The following FKBP15 variants were observed in gnomAD, a reference collection of about 807,000 sequenced individuals.
FKBP15 encodes FKBP prolyl isomerase family member 15.
A neutral mutation model predicts 158.1 loss-of-function variants in FKBP15; 106 were observed. The ratio of observed to expected loss-of-function variants is 0.67; its 90% CI spans 0.57 to 0.79. FKBP15 has a LOEUF of 0.79. Ranked by LOEUF, FKBP15 falls within the 30% of genes least tolerant of loss-of-function variation. The pLI, the probability that FKBP15 is intolerant of heterozygous loss-of-function variation, is 0.00. For synonymous variants in FKBP15, 547 were observed against 548.6 expected, an observed-to-expected ratio of 1.00 and a Z score of 0.04; for missense variants, 1,287 against 1,479.1, an observed-to-expected ratio of 0.87 and a Z score of 2.13.
At chr9:113,193,996 A>G in intron 10 of FKBP15, 31 bp downstream of exon 10, 1 of 1,574,812 alleles carries the variant, frequency 6.3e-7, no homozygotes. Flanking sequence ...TATGAGCCAT[A>G]AAAGAGCTTG....
In FKBP15 at chr9:113,169,909, G is replaced by A; in HGVS notation, c.2800C>T (p.Gln934Ter). 6.5e-7 allele frequency: 1 copy of A among 1,547,738 alleles called. No homozygotes were observed. The highest frequency in any genetic ancestry group is 1.2e-5 in the South Asian group (1 of 83,980). Residue 934 changes from glutamine to a stop codon, truncating the protein, a stop_gained, in exon 26 of 28, where the codon CAA becomes TAA. Transcript: ENST00000238256. LOFTEE classifies it high-confidence loss of function. Reference protein sequence around the residue: ...VTLQLLNQQEQEKEESSSEEE... With the variant: ...VTLQLLNQQE Reference sequence around the variant, plus strand: ...TCACTGCTGCTCTCTTCCTTCTCTTGCTCCTGTTGGTTTAACAGCTGAAGA... The same window carrying A: ...TCACTGCTGCTCTCTTCCTTCTCTTACTCCTGTTGGTTTAACAGCTGAAGA...
chr9:113,213,794 A>C (rs1831064981), intron 1 of FKBP15, among the ~76,000 whole-genome samples: 1 of 152,186 alleles, frequency 6.6e-6, no homozygotes, highest in South Asian at 2.1e-4. Context: ...ATAACTGTAA[A>C]AAATAAATTC....
Position 113,187,828 on chromosome 9 carries a change from G to C in FKBP15, c.1348C>G (p.His450Asp), listed in dbSNP as rs779793622. 1 of 1,613,928 alleles carries C rather than the reference G, an allele frequency of 6.2e-7. No homozygotes were observed. Among genetic ancestry groups the C allele is most frequent in the South Asian group, 1.1e-5 (1 of 91,072 alleles). ...TGGGCATTTCCAGATACAGCTGAGT[G>C]GGAATCGAGAGATGACACTTGCATT... ...ALMQVSSLDS[H>D]SAVSGNAQSF... is the part of the protein sequence containing the mutation. The change falls in exon 14 of 28, where the codon CAC becomes GAC. Residue 450 changes from histidine to aspartate, a missense_variant. Coordinates refer to ENST00000238256, the MANE Select transcript of FKBP15 (RefSeq NM_015258.2).
intron 5 of FKBP15, 58 bp downstream of exon 5, chr9:113,202,903 G>C (rs970586693): frequency 7.4e-7 from 1 of 1,344,184 alleles, no homozygotes; most frequent in African/African-American, 1.4e-5. Context: ...AATCAGACCA[G>C]TCTCTCCTGT....
At chr9:113,166,263 A>G (rs1037880001) in intron 27 of FKBP15, 108 bp from the exon 28 acceptor site, 5 of 1,044,052 alleles carry the variant, frequency 4.8e-6, no homozygotes, top group East Asian at 2.6e-5. Flanking sequence ...TGGGTCAGAA[A>G]GGAGGTTGTA....
rs62636616 is a variant in FKBP15, at chr9:113,194,120, C to T, written c.914G>A (p.Arg305His). 4,550 of 1,613,130 alleles carry T rather than the reference C, an allele frequency of 2.8e-3. 99 individuals are homozygous for T. The African/African-American group carries it at 0.05, about 18-fold the overall frequency. ...SGSDGHSVSSRDSAAPSPIPG... is the reference protein window; with the variant it reads ...SGSDGHSVSSHDSAAPSPIPG... Reference sequence around the variant, plus strand: ...GATGGGAGACGGAGCTGCAGAATCGCGGGAACTAACACTGTGACCATCAGA... The same window carrying T: ...GATGGGAGACGGAGCTGCAGAATCGTGGGAACTAACACTGTGACCATCAGA... The change falls in exon 10 of 28, where the codon CGC becomes CAC. Residue 305 changes from arginine (R) to histidine (H), a missense_variant. Arg to His is a conservative substitution (Grantham distance 29, BLOSUM62 0). Transcript: ENST00000238256.
intron 4 of FKBP15, 63 bp from the exon 5 acceptor site, chr9:113,203,098 A>C (rs1830825744): frequency 9.0e-7 from 1 of 1,111,616 alleles, no homozygotes; most frequent in Non-Finnish European, 1.3e-6. Context: ...AAAAGGCAAT[A>C]TAAAATCAGC....
intron 27 of FKBP15, 56 bp from the exon 28 acceptor site, chr9:113,166,211 T>G: frequency 6.7e-7 from 1 of 1,492,930 alleles, no homozygotes; most frequent in Non-Finnish European, 9.2e-7. Flanking sequence ...CACTGGACTT[T>G]CCACCTGTGA....
At position 113,186,358 on chromosome 9, in the gene FKBP15, A is replaced by G; in HGVS notation, c.1389T>C (p.Tyr463=). The G allele has an allele frequency of 6.4e-7, 1 of 1,557,400 alleles. No individual in the cohort carries two copies. The highest frequency in any genetic ancestry group is 8.7e-7 in the Non-Finnish European group (1 of 1,149,186). Reference sequence around the variant, plus strand: ...GATAAGCGTAGGCTTGCATACCTGCATAGGGCTGAGAAACTGACGAGTTAC... The same window carrying G: ...GATAAGCGTAGGCTTGCATACCTGCGTAGGGCTGAGAAACTGACGAGTTAC... ...VSGNAQSFQP[Y]AGMQAYAYPQ... Residue 463 remains tyrosine (Y), a synonymous_variant, in exon 15 of 28, where the codon TAT becomes TAC. Transcript: ENST00000238256.
At chr9:113,201,299 T>C (rs1830787702) in intron 6 of FKBP15, among the ~76,000 whole-genome samples, 3 of 151,914 alleles carry the variant, frequency 2.0e-5, no homozygotes, top group Non-Finnish European at 4.4e-5. Context: ...ATAAAGCTTA[T>C]GGAAATATGT....
rs749995025 is a variant in FKBP15, at chr9:113,188,508, C to T, written c.1174-17G>A. The T allele has an allele frequency of 4.4e-6, 7 of 1,606,570 alleles. No homozygotes were observed. The highest frequency in any genetic ancestry group is 1.7e-5 in the Admixed American group (1 of 59,966). On this transcript the variant is annotated splice_polypyrimidine_tract_variant and intron_variant, in intron 12 of 27. Coordinates refer to ENST00000238256, the MANE Select transcript of FKBP15 (RefSeq NM_015258.2). ...GTTCACATCCTGAAACAGGAACAAG[C>T]GTTTGGGTTACTCTGTACGGGGTCC...
intron 3 of FKBP15, 134 bp from the exon 4 acceptor site, chr9:113,206,712 A>AT (rs35902681): frequency 0.22 from 62,677 of 281,180 alleles, 4,125 homozygotes; most frequent in Admixed American, 0.27. Context: ...GCGGTTTAAA[A>AT]TTTTTTTTTT....
At position 113,161,911 on chromosome 9, in the gene FKBP15, G is replaced by T; in HGVS notation, c.*4167C>A. 1 of 668,506 alleles carries T rather than the reference G, an allele frequency of 1.5e-6. No homozygotes were observed. Among genetic ancestry groups the T allele is most frequent in the South Asian group, 1.6e-5 (1 of 63,654 alleles). 41.4% of individuals were successfully genotyped at this position (668,506 alleles called of 1,614,324 possible). On this transcript the variant is annotated 3_prime_UTR_variant, in exon 28 of 28. Coordinates refer to ENST00000238256, the MANE Select transcript of FKBP15 (RefSeq NM_015258.2). ...GCACTCTGTGAACAGCCAGCCACTT[G>T]AGAGGCTCAGAAGGCTTTCTTTAGG...
intron 1 of FKBP15, among the ~76,000 whole-genome samples, chr9:113,217,389 G>T (rs7859189): frequency 0.34 from 50,537 of 149,048 alleles, 8,630 homozygotes; most frequent in African/African-American, 0.4. Flanking sequence ...ATTTTTGTAT[G>T]TTTGTAGAGA....
At chr9:113,210,332 C>CTTTTTTTTTTTTTTT (rs35201179) in intron 2 of FKBP15, among the ~76,000 whole-genome samples, 1 of 114,740 alleles carries the variant, frequency 8.7e-6, no homozygotes, top group African/African-American at 3.4e-5. Context: ...GTTGTGATGG[C>CTTTTTTTTTTTTTTT]TTTTTTTTTT....
At position 113,173,566 on chromosome 9, in the gene FKBP15, C is replaced by T; in HGVS notation, c.2419G>A (p.Ala807Thr). The change falls in exon 23 of 28, where the codon GCA becomes ACA. Residue 807 changes from alanine (A) to threonine (T), a missense_variant. Physicochemically the swap from Ala to Thr is moderately conservative, Grantham distance 58. Transcript: ENST00000238256. ...GAGGCCAACAAATGTTCACATTTTG[C>T]TTCCCACTGGGTCTGTAGCTCAGCC... ...VQAELQTQWE[A>T]KCEHLLASAK... 1 of 1,613,998 alleles carries T rather than the reference C, an allele frequency of 6.2e-7. No homozygotes were observed. The highest frequency in any genetic ancestry group is 8.5e-7 in the Non-Finnish European group (1 of 1,179,882).
At chr9:113,207,111 A>G in intron 3 of FKBP15, 101 bp downstream of exon 3, 1 of 904,956 alleles carries the variant, frequency 1.1e-6, no homozygotes, top group Non-Finnish European at 1.8e-6. Flanking sequence ...TGGAAGGGCT[A>G]AATAACCGTT....
chr9:113,174,312 G>T (rs766861782), intron 22 of FKBP15, 116 bp downstream of exon 22: 3 of 1,077,104 alleles, frequency 2.8e-6, no homozygotes, highest in Non-Finnish European at 3.9e-6. Flanking sequence ...TCTCCAAAGT[G>T]AGAGTATCAG....
At chr9:113,205,837 T>C (rs1030070263) in intron 4 of FKBP15, among the ~76,000 whole-genome samples, 2 of 152,232 alleles carry the variant, frequency 1.3e-5, no homozygotes, top group African/African-American at 4.8e-5. Context: ...TTTTCAGCCA[T>C]GAAAAGGAAT....
Sources: gnomAD v4.1 joint callset for allele counts (sites outside exome capture counted in the v4.1 genomes callset) on GRCh38, gnomAD v4.1.1 for gene constraint, MANE v1.5 for transcripts, NCBI Gene and HGNC (gene_info 2026-07-23, HGNC 2026-07-21) for gene names.